The following NR2C2 variants were observed in gnomAD, a reference collection of about 807,000 sequenced individuals.
NR2C2 encodes nuclear receptor subfamily 2 group C member 2, also known as Nuclear hormone receptor TR4.
Under a neutral mutation model 62.9 loss-of-function variants are expected in NR2C2, and 6 were observed. That is an observed-to-expected ratio of 0.10 (90% CI 0.05 to 0.19). The LOEUF is 0.19. Ranked by LOEUF, NR2C2 falls within the 10% of genes least tolerant of loss-of-function variation. The pLI, the probability that NR2C2 is intolerant of heterozygous loss-of-function variation, is 1.00. For missense variants in NR2C2, 479 were observed against 762.7 expected (o/e 0.63, Z 4.38); for synonymous variants, 272 against 273.8 (o/e 0.99, Z 0.07).
At chr3:14,950,764 A>G (rs1342575846) in intron 1 of NR2C2, among the ~76,000 whole-genome samples, 2 of 152,338 alleles carry the variant, frequency 1.3e-5, no homozygotes, top group East Asian at 3.9e-4. Context: ...TCCAGCACTT[A>G]GAAGAGTGCC....
chr3:15,007,872 C>T (rs2041232491), intron 2 of NR2C2, among the ~76,000 whole-genome samples: 1 of 152,214 alleles, frequency 6.6e-6, no homozygotes, highest in Non-Finnish European at 1.5e-5. Context: ...TCCTAGTCAT[C>T]CTTTTTCATA....
chr3:15,008,366 AC>A (rs1444513253), intron 2 of NR2C2, among the ~76,000 whole-genome samples: 2 of 151,990 alleles, frequency 1.3e-5, no homozygotes, highest in Non-Finnish European at 2.9e-5. Context: ...TATAAAAAAT[AC>A]AAAAATTAGC....
At chr3:15,005,511 G>A (rs575431301) in intron 2 of NR2C2, among the ~76,000 whole-genome samples, 125 of 135,716 alleles carry the variant, frequency 9.2e-4, no homozygotes, top group Admixed American at 2.1e-3. Context: ...GCCAGCGTGC[G>A]TGGCCAACTT....
intron 1 of NR2C2, among the ~76,000 whole-genome samples, chr3:14,966,778 T>C (rs2039870568): frequency 6.6e-6 from 1 of 152,192 alleles, no homozygotes; most frequent in African/African-American, 2.4e-5. Context: ...TAACTTGATG[T>C]CCTATAATGT....
In NR2C2 at chr3:15,048,185, C is replaced by T. The variant is rs1348346718; in HGVS notation, c.*5177C>T. ...CAGTGCCTTTTGTGAGACAGTGGGT[C>T]ATTTAGCCTTCAGCTTCCCTGTTTT... On this transcript the variant is annotated 3_prime_UTR_variant, in exon 14 of 14. Coordinates refer to ENST00000425241, the MANE Select transcript of NR2C2 (RefSeq NM_001291694.2). 9 of 152,656 alleles carry T rather than the reference C, an allele frequency of 5.9e-5. No homozygotes were observed. The highest frequency in any genetic ancestry group is 4.4e-5 in the Non-Finnish European group (3 of 68,046). The allele number at this position is 152,656 out of a possible 1,614,324, so 9.5% of individuals were successfully genotyped here.
At chr3:14,995,524 A>G (rs1404264552) in intron 1 of NR2C2, among the ~76,000 whole-genome samples, 1 of 152,138 alleles carries the variant, frequency 6.6e-6, no homozygotes, top group Non-Finnish European at 1.5e-5. Flanking sequence ...TCGTTTCATT[A>G]TTGCCAAATA....
intron 1 of NR2C2, among the ~76,000 whole-genome samples, chr3:14,949,934 A>G (rs144091258): frequency 1.3e-3 from 196 of 152,318 alleles, no homozygotes; most frequent in Non-Finnish European, 2.3e-3. Context: ...CAACTCCCCA[A>G]CTTTTACTAG....
At chr3:14,991,919 G>A (rs1467668182) in intron 1 of NR2C2, among the ~76,000 whole-genome samples, 1 of 151,644 alleles carries the variant, frequency 6.6e-6, no homozygotes, top group East Asian at 1.9e-4. Flanking sequence ...GCAGGCATGC[G>A]ACACCACGCC....
In NR2C2 at chr3:15,030,505, T is replaced by C. The variant is rs187456241; in HGVS notation, c.1110+53T>C. 1.9e-4 allele frequency: 291 copies of C among 1,496,796 alleles called. No homozygotes were observed. The East Asian group carries it at 6.8e-3, about 35-fold the overall frequency. The allele number at this position is 1,496,796 out of a possible 1,614,324, so 92.7% of individuals were successfully genotyped here. A position where few individuals can be genotyped will look rare whatever the true frequency, so the allele number is the denominator to read the frequency against. Reference sequence around the variant, plus strand: ...CCCCAACCTGCTGGGGGATAGGTTCTGTACCAAAGCCGATCTGCAGTTTTA... The same window carrying C: ...CCCCAACCTGCTGGGGGATAGGTTCCGTACCAAAGCCGATCTGCAGTTTTA... On this transcript the variant is annotated intron_variant, in intron 9 of 13. Coordinates refer to ENST00000425241, the MANE Select transcript of NR2C2 (RefSeq NM_001291694.2).
chr3:14,988,739 T>G (rs1374751329), intron 1 of NR2C2, among the ~76,000 whole-genome samples: 1 of 152,172 alleles, frequency 6.6e-6, no homozygotes, highest in Non-Finnish European at 1.5e-5. Context: ...CCCTCTTGAT[T>G]AATTTTTTTT....
intron 2 of NR2C2, among the ~76,000 whole-genome samples, chr3:15,010,224 C>T (rs1300656629): frequency 1.3e-5 from 2 of 151,912 alleles, no homozygotes; most frequent in African/African-American, 4.8e-5. Flanking sequence ...TTAACAAGGT[C>T]TTGCCTAATG....
intron 10 of NR2C2, among the ~76,000 whole-genome samples, chr3:15,033,639 CTTTTTTT>C (rs58524753): frequency 5.7e-4 from 48 of 84,826 alleles, no homozygotes; most frequent in African/African-American, 2.0e-3. Flanking sequence ...TAACCTCAGG[CTTTTTTT>C]TTTTTTTTTT....
chr3:15,029,231 C>T (rs1316307408), intron 8 of NR2C2, among the ~76,000 whole-genome samples: 1 of 151,970 alleles, frequency 6.6e-6, no homozygotes, highest in African/African-American at 2.4e-5. Context: ...AGGCGTGCGC[C>T]ACCACCCCCA....
At chr3:14,982,649 T>G (rs566157508) in intron 1 of NR2C2, among the ~76,000 whole-genome samples, 7 of 152,344 alleles carry the variant, frequency 4.6e-5, no homozygotes, top group Non-Finnish European at 8.8e-5. Flanking sequence ...ATTTTGTTTA[T>G]AGATTTTTTT....
intron 3 of NR2C2, 90 bp from the exon 4 acceptor site, chr3:15,016,062 A>G (rs961976642): frequency 6.2e-6 from 6 of 967,994 alleles, no homozygotes; most frequent in Non-Finnish European, 9.9e-6. Flanking sequence ...TCAGCCTCCC[A>G]AAGTGCTGGG....
At position 15,024,195 on chromosome 3, in the gene NR2C2, C is replaced by G; in HGVS notation, c.785C>G (p.Ala262Gly). The G allele has an allele frequency of 6.2e-7, 1 of 1,608,042 alleles. No homozygotes were observed. The highest frequency in any genetic ancestry group is 2.2e-5 in the East Asian group (1 of 44,584). ...LIREDGTVLL[A>G]TDSKAETSQG... Reference sequence around the variant, plus strand: ...CGTGAGGATGGTACAGTTCTCCTGGCCACGGATTCTAAGGTGACGTTCTCT... The same window carrying G: ...CGTGAGGATGGTACAGTTCTCCTGGGCACGGATTCTAAGGTGACGTTCTCT... Residue 262 changes from alanine (A) to glycine (G), a missense_variant, in exon 7 of 14, where the codon GCC becomes GGC. This residue lies in a region of NR2C2 where 151 missense variants were observed against 176.1 expected (regional missense o/e 0.86). Transcript: ENST00000425241.
chr3:14,970,100 A>T (rs924089512), intron 1 of NR2C2, among the ~76,000 whole-genome samples: 6 of 152,196 alleles, frequency 3.9e-5, no homozygotes, highest in African/African-American at 1.4e-4. Context: ...TATTAGGCTT[A>T]AAGCAGAAAA....
intron 7 of NR2C2, among the ~76,000 whole-genome samples, chr3:15,028,086 C>G (rs950211505): frequency 6.6e-6 from 1 of 152,142 alleles, no homozygotes; most frequent in Non-Finnish European, 1.5e-5. Context: ...TCTTGAACCC[C>G]TGACCTCAGG....
At chr3:14,987,224 A>C (rs2040536804) in intron 1 of NR2C2, among the ~76,000 whole-genome samples, 1 of 152,156 alleles carries the variant, frequency 6.6e-6, no homozygotes, top group South Asian at 2.1e-4. Flanking sequence ...CTGGGACTGC[A>C]GGCACATGCC....
Sources: gnomAD v4.1 joint callset for allele counts (sites outside exome capture counted in the v4.1 genomes callset) on GRCh38, gnomAD v4.1.1 for gene constraint, gnomAD v4.1.1 regional missense constraint, MANE v1.5 for transcripts, NCBI Gene and HGNC (gene_info 2026-07-23, HGNC 2026-07-21) for gene names.